The following CTNNA2 variants were observed in gnomAD, a reference collection of about 807,000 sequenced individuals.
CTNNA2 encodes the protein catenin alpha-2.
Under a neutral mutation model 101.0 loss-of-function variants are expected in CTNNA2, and 42 were observed. That is an observed-to-expected ratio of 0.42 (90% CI 0.32 to 0.54). CTNNA2 has a LOEUF of 0.54. CTNNA2 is among the 20% of genes least tolerant of loss of function. The pLI is 0.14. For missense variants in CTNNA2, 871 were observed against 1,223.1 expected, an observed-to-expected ratio of 0.71 and a Z score of 4.29; for synonymous variants, 450 against 456.4, an observed-to-expected ratio of 0.99 and a Z score of 0.18.
At chr2:79,746,079 T>C (rs2105001029) in intron 3 of CTNNA2, among the ~76,000 whole-genome samples, 1 of 152,352 alleles carries the variant, frequency 6.6e-6, no homozygotes, top group East Asian at 1.9e-4. Context: ...ACTTGTTTTA[T>C]TTTGTGAATT....
chr2:80,043,879 T>C (rs1482926621), intron 7 of CTNNA2, among the ~76,000 whole-genome samples: 1 of 152,190 alleles, frequency 6.6e-6, no homozygotes, highest in Non-Finnish European at 1.5e-5. Context: ...TGGGAAGAAT[T>C]TTATATACTA....
At chr2:79,576,037 T>G (rs574178559) in intron 1 of CTNNA2, among the ~76,000 whole-genome samples, 1 of 152,352 alleles carries the variant, frequency 6.6e-6, no homozygotes, top group East Asian at 1.9e-4. Context: ...CACCACCTTT[T>G]GTTCCCTGTA....
intron 4 of CTNNA2, among the ~76,000 whole-genome samples, chr2:79,383,588 C>CTAT (rs907392849): frequency 6.0e-4 from 92 of 152,250 alleles, no homozygotes; most frequent in Admixed American, 2.0e-3. Context: ...CATCACATGG[C>CTAT]ATAGTGCGTA....
intron 12 of CTNNA2, among the ~76,000 whole-genome samples, chr2:80,572,444 T>A: frequency 6.6e-6 from 1 of 152,150 alleles, no homozygotes; most frequent in East Asian, 1.9e-4. Context: ...CTCTGAAAGC[T>A]CCCTTGTAGT....
At chr2:79,757,080 T>A (rs1242224409) in intron 3 of CTNNA2, among the ~76,000 whole-genome samples, 2 of 152,218 alleles carry the variant, frequency 1.3e-5, no homozygotes, top group Non-Finnish European at 2.9e-5. Flanking sequence ...CTCTGCTGAT[T>A]TGAAAACATC....
At chr2:79,621,544 C>A (rs939783300) in intron 1 of CTNNA2, among the ~76,000 whole-genome samples, 4 of 151,840 alleles carry the variant, frequency 2.6e-5, no homozygotes, top group Non-Finnish European at 5.9e-5. Flanking sequence ...TGGATTATAG[C>A]CCCAAGTATG....
At chr2:80,027,823 A>G (rs192631775) in intron 7 of CTNNA2, among the ~76,000 whole-genome samples, 64 of 152,020 alleles carry the variant, frequency 4.2e-4, no homozygotes, top group Non-Finnish European at 7.7e-4. Context: ...AAAATTAAAA[A>G]TTAGGTAGAC....
intron 4 of CTNNA2, among the ~76,000 whole-genome samples, chr2:79,424,647 A>G (rs1435878705): frequency 1.3e-5 from 2 of 152,240 alleles, no homozygotes; most frequent in East Asian, 1.9e-4. Flanking sequence ...GAGGCCAAGT[A>G]TCAGATAGAA....
intron 18 of CTNNA2, among the ~76,000 whole-genome samples, chr2:80,620,900 A>C (rs1231823894): frequency 6.6e-6 from 1 of 151,956 alleles, no homozygotes; most frequent in Non-Finnish European, 1.5e-5. Context: ...AAATTCAGAG[A>C]GTCTATCATG....
intron 12 of CTNNA2, among the ~76,000 whole-genome samples, chr2:80,564,511 T>TG (rs1693880984): frequency 8.4e-5 from 3 of 35,610 alleles, no homozygotes; most frequent in Admixed American, 2.2e-4. Context: ...TTTAGAGAGT[T>TG]TTTTTTTTTT....
At chr2:79,783,401 C>T (rs1674601807) in intron 3 of CTNNA2, among the ~76,000 whole-genome samples, 1 of 152,156 alleles carries the variant, frequency 6.6e-6, no homozygotes, top group African/African-American at 2.4e-5. Context: ...GCAGGGCCTT[C>T]GTCAACTGCA....
chr2:79,376,407 A>C (rs1394391720), intron 4 of CTNNA2, among the ~76,000 whole-genome samples: 2 of 148,604 alleles, frequency 1.3e-5, no homozygotes, highest in Non-Finnish European at 1.5e-5. Flanking sequence ...GAATAACTGA[A>C]TTTATCTATG....
chr2:79,400,148 TG>T (rs1408092951), intron 4 of CTNNA2, among the ~76,000 whole-genome samples: 1 of 151,930 alleles, frequency 6.6e-6, no homozygotes, highest in Non-Finnish European at 1.5e-5. Flanking sequence ...AAGAGACAAA[TG>T]GTTGCATTCT....
At chr2:79,929,414 A>G (rs529526226) in intron 7 of CTNNA2, among the ~76,000 whole-genome samples, 2 of 152,334 alleles carry the variant, frequency 1.3e-5, no homozygotes, top group East Asian at 3.9e-4. Context: ...CCACAGGGAA[A>G]TATTTAGGCT....
intron 7 of CTNNA2, among the ~76,000 whole-genome samples, chr2:80,240,506 A>G (rs1326706618): frequency 2.6e-5 from 4 of 152,134 alleles, no homozygotes; most frequent in African/African-American, 9.7e-5. Flanking sequence ...TTATCTCTCG[A>G]GTATAGCCCT....
At chr2:80,538,969 T>C (rs1691291080) in intron 9 of CTNNA2, among the ~76,000 whole-genome samples, 1 of 152,156 alleles carries the variant, frequency 6.6e-6, no homozygotes, top group Non-Finnish European at 1.5e-5. Context: ...TCCTAGGTAT[T>C]ATTTTATTAT....
Position 79,986,381 on chromosome 2 carries a change from G to A in CTNNA2, c.1056+76584G>A, listed in dbSNP as rs530290711. 3.3e-5 allele frequency among the ~76,000 whole-genome samples: 5 copies of A among 152,164 alleles called. No individual in the cohort carries two copies. In the South Asian group the frequency reaches 6.2e-4, roughly 19 times the overall value. On this transcript the variant is annotated intron_variant, in intron 7 of 18. Coordinates refer to ENST00000402739, the MANE Select transcript of CTNNA2 (RefSeq NM_001282597.3). ...ACTGCAAACTCTTGGCCCTACCTAC[G>A]GCACCCTGTGTGACATAGCAATTGC...
chr2:79,824,521 G>C (rs1678263108), intron 3 of CTNNA2, among the ~76,000 whole-genome samples: 1 of 152,036 alleles, frequency 6.6e-6, no homozygotes, highest in African/African-American at 2.4e-5. Flanking sequence ...GTGCTTATGA[G>C]TCTGAAAACT....
chr2:80,046,782 C>T (rs1696558589), intron 7 of CTNNA2, among the ~76,000 whole-genome samples: 1 of 152,160 alleles, frequency 6.6e-6, no homozygotes, highest in South Asian at 2.1e-4. Context: ...CATTTTCTGC[C>T]AGAAACTTTG....
Sources: gnomAD v4.1 joint callset for allele counts (sites outside exome capture counted in the v4.1 genomes callset) on GRCh38, gnomAD v4.1.1 for gene constraint, MANE v1.5 for transcripts, NCBI Gene and HGNC (gene_info 2026-07-23, HGNC 2026-07-21) for gene names.